HTRA3: variants seen among roughly 807,000 people sequenced by gnomAD.
The protein encoded by HTRA3 is HtrA serine peptidase 3.
Under a neutral mutation model 43.2 loss-of-function variants are expected in HTRA3, and 41 were observed. The observed-to-expected ratio is 0.95, with a 90% confidence interval of 0.74 to 1.23. The LOEUF is 1.23. HTRA3 is among the 50% of genes most tolerant of loss of function. The probability of loss-of-function intolerance (pLI) is 0.00; values close to 1 mark genes in which losing one functional copy is unlikely to be tolerated. For synonymous variants in HTRA3, 295 were observed against 287.9 expected (o/e 1.02, Z -0.25); for missense variants, 628 against 647.1 (o/e 0.97, Z 0.32).
Position 8,269,974 on chromosome 4 carries a change from G to T in HTRA3, c.6G>T (p.Gln2His). 8.4e-7 allele frequency: 1 copy of T among 1,188,618 alleles called. No homozygotes were observed. The highest frequency in any genetic ancestry group is 3.8e-5 in the East Asian group (1 of 26,540). 73.6% of individuals were successfully genotyped at this position (1,188,618 alleles called of 1,614,324 possible). The change falls in exon 1 of 9, where the codon CAG (glutamine) becomes CAT (histidine). Residue 2 changes from glutamine (Q) to histidine (H), a missense_variant. By Grantham distance (24) the Gln-to-His change is conservative. Coordinates refer to ENST00000307358, the MANE Select transcript of HTRA3 (RefSeq NM_053044.5). ...CCGCCGCCGGCCCTGCCGCCATGCAGGCGCGAGCGCTGCTCCTGGCCGCGT... is the reference window on the plus strand; with the variant it reads ...CCGCCGCCGGCCCTGCCGCCATGCATGCGCGAGCGCTGCTCCTGGCCGCGT... M[Q>H]ARALLLAALA...
chr4:8,303,826 G>GTACGT (rs1713742701), intron 7 of HTRA3, among the ~76,000 whole-genome samples: 3 of 136,224 alleles, frequency 2.2e-5, no homozygotes, highest in Admixed American at 8.1e-5. Context: ...AGCATTGTCT[G>GTACGT]TCCATTCCAT....
intron 3 of HTRA3, among the ~76,000 whole-genome samples, chr4:8,287,965 A>T (rs1000330228): frequency 2.0e-5 from 3 of 152,176 alleles, no homozygotes; most frequent in Non-Finnish European, 4.4e-5. Context: ...ACTGAGTCCC[A>T]TGTCTCACAC....
At position 8,291,379 on chromosome 4, in the gene HTRA3, CCT is replaced by C. The variant is rs762465476; in HGVS notation, c.719_720del (p.Pro240ArgfsTer131). On this transcript the variant is annotated frameshift_variant, in exon 4 of 9. Coordinates refer to ENST00000307358, the MANE Select transcript of HTRA3 (RefSeq NM_053044.5). LOFTEE classifies it high-confidence loss of function. ...TCCTTCTCTCTCCTAGAAAAAGCTC[CCT>C]GTGTTGTTGCTGGGTCACTCGGCCG... Reference protein sequence around the residue: ...TIKIHPKKKLPVLLLGHSADL... With the variant: ...TIKIHPKKKLXVLLLGHSADL... 6.2e-7 allele frequency: 1 copy of C among 1,613,486 alleles called. No homozygotes were observed. The highest frequency in any genetic ancestry group is 8.5e-7 in the Non-Finnish European group (1 of 1,179,994).
intron 2 of HTRA3, 61 bp downstream of exon 2, chr4:8,282,597 G>T (rs1712798349): frequency 1.7e-5 from 22 of 1,312,074 alleles, no homozygotes; most frequent in Non-Finnish European, 2.3e-5. Context: ...CCCGCCAGCT[G>T]CTGGGGCCCA....
chr4:8,295,437 C>T lies in HTRA3; in HGVS notation c.1051+1236C>T, dbSNP rs1469360318. On this transcript the variant is annotated intron_variant, in intron 6 of 8. Transcript: ENST00000307358. The surrounding 1 kb of genome is among the most constrained non-coding windows in gnomAD (Gnocchi z 6.9). ...ATGAGCACCCATCTGGGAGAGGCCT[C>T]GCCAGGGCACTAGGCAACTCTCCCA... is the stretch of plus-strand genomic sequence containing the variant. Among the ~76,000 whole-genome samples, 1 of 152,128 alleles carries T rather than the reference C, an allele frequency of 6.6e-6. No homozygotes were observed. The highest frequency in any genetic ancestry group is 1.9e-4 in the East Asian group (1 of 5,178).
At chr4:8,288,286 T>C (rs1274699753) in intron 3 of HTRA3, among the ~76,000 whole-genome samples, 1 of 152,208 alleles carries the variant, frequency 6.6e-6, no homozygotes, top group Non-Finnish European at 1.5e-5. Context: ...TCTTTTCTTT[T>C]TTTTGAAATG....
chr4:8,284,720 G>A (rs1010221711), intron 2 of HTRA3, among the ~76,000 whole-genome samples: 1 of 152,224 alleles, frequency 6.6e-6, no homozygotes. Context: ...ACCGTGTGGG[G>A]TGGCCAAGTG....
chr4:8,270,611 G>A (rs1299458808), intron 1 of HTRA3, among the ~76,000 whole-genome samples: 1 of 152,218 alleles, frequency 6.6e-6, no homozygotes, highest in African/African-American at 2.4e-5. Context: ...CCTCATCTAG[G>A]ACTGTTTCCA....
chr4:8,292,489 C>A, intron 5 of HTRA3, 136 bp downstream of exon 5: 2 of 760,194 alleles, frequency 2.6e-6, no homozygotes, highest in Non-Finnish European at 4.3e-6. Context: ...TGCAGCTGGG[C>A]CGGAGGCCTG....
At chr4:8,290,886 C>T (rs60093887) in intron 3 of HTRA3, among the ~76,000 whole-genome samples, 41,965 of 152,138 alleles carry the variant, frequency 0.28, 6,135 homozygotes, top group East Asian at 0.42. Context: ...TGTGTCTCTA[C>T]TGGGAGATGA....
rs146960999 is a variant in HTRA3 at position 8,305,221 on chromosome 4, G to A, written c.1197-750G>A. On this transcript the variant is annotated intron_variant, in intron 8 of 8. Transcript: ENST00000307358. The stretch of plus-strand genomic sequence containing the variant: ...GCCGACTGTACTGTGCATCCTCAGA[G>A]GCTGGGCTTGAAGGTGGGAGGCCCC... 2.5e-3 allele frequency among the ~76,000 whole-genome samples: 382 copies of A among 152,346 alleles called. 3 individuals are homozygous for A. Among genetic ancestry groups the A allele is most frequent in the African/African-American group, 8.8e-3 (367 of 41,578 alleles).
chr4:8,288,907 T>TTCCTTCCGTCCG (rs1297658897), intron 3 of HTRA3, among the ~76,000 whole-genome samples: 1 of 144,204 alleles, frequency 6.9e-6, no homozygotes, highest in African/African-American at 2.6e-5. Flanking sequence ...CCGTCCTTCC[T>TTCCTTCCGTCCG]TCCTTCCTTC....
chr4:8,306,057 C>T lies in HTRA3; in HGVS notation c.1283C>T (p.Thr428Ile). Residue 428 changes from threonine (T) to isoleucine (I), a missense_variant, in exon 9 of 9, where the codon ACC becomes ATC. Transcript: ENST00000307358. This position sits in a 1 kb window ranked among gnomAD's most constrained non-coding sequence, Gnocchi z 8.9. ...DSSELQEAVLTESPLLLEVRR... is the reference protein window; with the variant it reads ...DSSELQEAVLIESPLLLEVRR... ...AGTGAGCTGCAGGAGGCCGTGCTGACCGAGTCTCCTCTCCTACTGGAGGTG... is the reference window on the plus strand; with the variant it reads ...AGTGAGCTGCAGGAGGCCGTGCTGATCGAGTCTCCTCTCCTACTGGAGGTG... The T allele has an allele frequency of 6.2e-7, 1 of 1,612,508 alleles. No homozygotes were observed. Among genetic ancestry groups the T allele is most frequent in the Non-Finnish European group, 8.5e-7 (1 of 1,179,316 alleles).
intron 5 of HTRA3, 41 bp downstream of exon 5, chr4:8,292,394 G>A: frequency 6.3e-7 from 1 of 1,579,956 alleles, no homozygotes; most frequent in Non-Finnish European, 8.7e-7. Context: ...GGTTTCTGGG[G>A]TTCTTCTCAC....
In HTRA3 at chr4:8,270,156, G is replaced by A. The variant is rs1712192712; in HGVS notation, c.188G>A (p.Gly63Asp). The A allele has an allele frequency of 6.5e-7, 1 of 1,542,082 alleles. No individual in the cohort carries two copies. Among genetic ancestry groups the A allele is most frequent in the African/African-American group, 1.4e-5 (1 of 69,966 alleles). Residue 63 changes from glycine to aspartate, a missense_variant, in exon 1 of 9, where the codon GGC (glycine) becomes GAC (aspartate). Physicochemically the swap from Gly to Asp is moderately conservative, Grantham distance 94. Coordinates refer to ENST00000307358, the MANE Select transcript of HTRA3 (RefSeq NM_053044.5). ...GCCGCCAGCGAGGGCGAGCCCTGTG[G>A]CGGCCCTCTGGACTCGCCTTGCGGC... The part of the protein sequence containing the change: ...VCAASEGEPC[G>D]GPLDSPCGES...
intron 2 of HTRA3, among the ~76,000 whole-genome samples, chr4:8,283,602 T>C (rs989041276): frequency 2.0e-5 from 3 of 152,232 alleles, no homozygotes; most frequent in African/African-American, 7.2e-5. Context: ...GCTGGCCCTT[T>C]GGTCCCTGGG....
At chr4:8,289,431 C>T (rs907425962) in intron 3 of HTRA3, among the ~76,000 whole-genome samples, 2 of 152,204 alleles carry the variant, frequency 1.3e-5, no homozygotes, top group South Asian at 2.1e-4. Flanking sequence ...GGGCCTTGGG[C>T]CAGTTTGCAA....
In HTRA3 at chr4:8,295,920, T is replaced by C. The variant is rs1172780078; in HGVS notation, c.1051+1719T>C. The C allele has an allele frequency of 1.9e-5, 23 of 1,225,384 alleles. No homozygotes were observed. The highest frequency in any genetic ancestry group is 4.2e-5 in the Admixed American group (1 of 23,610). The allele number at this position is 1,225,384 out of a possible 1,614,324, so 75.9% of individuals were successfully genotyped here. On this transcript the variant is annotated intron_variant, in intron 6 of 8. Coordinates refer to ENST00000307358, the MANE Select transcript of HTRA3 (RefSeq NM_053044.5). The surrounding 1 kb of genome is among the most constrained non-coding windows in gnomAD (Gnocchi z 6.9). ...CCTGTCTTTCCCAAAGAAGCTGAAG[T>C]CTTCTTCTCTTGAACAGTGGGGACC...
chr4:8,270,252 A>G lies in HTRA3; in HGVS notation c.284A>G (p.His95Arg). The G allele has an allele frequency of 6.6e-7, 1 of 1,522,370 alleles. No homozygotes were observed. Among genetic ancestry groups the G allele is most frequent in the Non-Finnish European group, 8.7e-7 (1 of 1,144,596 alleles). The allele number at this position is 1,522,370 out of a possible 1,614,324, so 94.3% of individuals were successfully genotyped here. Residue 95 changes from histidine to arginine, a missense_variant, in exon 1 of 9, where the codon CAC (histidine) becomes CGC (arginine). Transcript: ENST00000307358. ...CACGCCGTGTGTGGCACCGACGGGC[A>G]CACCTATGCCAACGTGTGCGCGCTG... ...WSHAVCGTDG[H>R]TYANVCALQA... is the part of the protein sequence containing the mutation.
Sources: gnomAD v4.1 joint callset for allele counts (sites outside exome capture counted in the v4.1 genomes callset) on GRCh38, gnomAD v4.1.1 for gene constraint, Gnocchi (gnomAD v3.1) non-coding constraint, MANE v1.5 for transcripts, NCBI Gene and HGNC (gene_info 2026-07-23, HGNC 2026-07-21) for gene names.